Variants in CHST11 observed in about 807,000 individuals in gnomAD.
CHST11 encodes the protein C4S-1.
Under a neutral mutation model 30.4 loss-of-function variants are expected in CHST11, and 9 were observed. The ratio of observed to expected loss-of-function variants is 0.30; its 90% CI spans 0.18 to 0.52. The LOEUF (loss-of-function observed/expected upper bound fraction) is 0.52, where lower values mean the gene tolerates loss of function less well. CHST11 is among the 20% of genes least tolerant of loss of function. CHST11 has a pLI of 0.97. For synonymous variants in CHST11, 152 were observed against 187.8 expected, an observed-to-expected ratio of 0.81 and a Z score of 1.56; for missense variants, 348 against 460.6, an observed-to-expected ratio of 0.76 and a Z score of 2.24.
chr12:104,487,958 G>A (rs2037699607), intron 1 of CHST11, among the ~76,000 whole-genome samples: 1 of 151,194 alleles, frequency 6.6e-6, no homozygotes, highest in Admixed American at 6.6e-5. Context: ...TTCCAGGCTG[G>A]AGTGCAGTGA....
chr12:104,534,160 GAATA>G (rs1162108123), intron 1 of CHST11, among the ~76,000 whole-genome samples: 1 of 152,098 alleles, frequency 6.6e-6, no homozygotes, highest in Admixed American at 6.5e-5. Context: ...AAAGTTTTAT[GAATA>G]AATAAATGTA....
intron 1 of CHST11, among the ~76,000 whole-genome samples, chr12:104,562,388 G>T (rs934978150): frequency 1.1e-4 from 16 of 152,136 alleles, no homozygotes; most frequent in Non-Finnish European, 2.9e-5. Context: ...ACACAGAGAA[G>T]ATGAGGCCAT....
At chr12:104,666,633 A>C (rs748505612) in intron 2 of CHST11, among the ~76,000 whole-genome samples, 4 of 152,214 alleles carry the variant, frequency 2.6e-5, no homozygotes, top group African/African-American at 4.8e-5. Context: ...TCAGTATCCA[A>C]GGCTCCACAT....
intron 1 of CHST11, among the ~76,000 whole-genome samples, chr12:104,504,958 C>G (rs1371989822): frequency 1.3e-5 from 2 of 152,114 alleles, no homozygotes; most frequent in Non-Finnish European, 2.9e-5. Flanking sequence ...ATGCCAGAGT[C>G]CAGCCTTGCA....
At chr12:104,667,290 C>G (rs1288909657) in intron 2 of CHST11, among the ~76,000 whole-genome samples, 1 of 152,078 alleles carries the variant, frequency 6.6e-6, no homozygotes, top group Non-Finnish European at 1.5e-5. Flanking sequence ...TCCTTATTCC[C>G]CCACCACGCT....
rs541629589 is a variant in CHST11, at chr12:104,678,201, C to T, written c.204+76210C>T. On this transcript the variant is annotated intron_variant, in intron 2 of 2. Transcript: ENST00000303694. ...ATATCTCTATTGGCCTATCTTAGGG[C>T]CCAATGGAGAAAGAAAAATGTTCTA... Among the ~76,000 whole-genome samples the T allele has an allele frequency of 5.3e-5, 8 of 152,194 alleles. No individual in the cohort carries two copies. In the South Asian group the frequency reaches 6.2e-4, roughly 12 times the overall value.
intron 2 of CHST11, among the ~76,000 whole-genome samples, chr12:104,630,090 A>C (rs1043057729): frequency 4.2e-4 from 64 of 152,200 alleles, no homozygotes; most frequent in African/African-American, 1.4e-3. Context: ...ATTAATACGT[A>C]ACTCACTTAC....
intron 1 of CHST11, among the ~76,000 whole-genome samples, chr12:104,539,111 A>G (rs751024187): frequency 1.3e-5 from 2 of 152,204 alleles, no homozygotes; most frequent in Non-Finnish European, 2.9e-5. Flanking sequence ...AGTTATCTAT[A>G]TATCTGCTAA....
intron 2 of CHST11, among the ~76,000 whole-genome samples, chr12:104,730,178 C>T (rs1403041948): frequency 6.6e-6 from 1 of 152,262 alleles, no homozygotes; most frequent in Non-Finnish European, 1.5e-5. Context: ...TTCCTTCACT[C>T]GTTCTGGAGG....
chr12:104,757,542 C>G lies in CHST11; in HGVS notation c.798C>G (p.Cys266Trp). 4.3e-6 allele frequency: 7 copies of G among 1,614,150 alleles called. No individual in the cohort carries two copies. Among genetic ancestry groups the G allele is most frequent in the Non-Finnish European group, 5.1e-6 (6 of 1,180,018 alleles). Residue 266 changes from cysteine (C) to tryptophan (W), a missense_variant, in exon 3 of 3, where the codon TGC becomes TGG. Cys to Trp is a radical substitution (Grantham distance 215). This residue lies in a region of CHST11 where 210 missense variants were observed against 287.2 expected (regional missense o/e 0.73). Coordinates refer to ENST00000303694, the MANE Select transcript of CHST11 (RefSeq NM_018413.6). This position sits in a 1 kb window ranked among gnomAD's most constrained non-coding sequence, Gnocchi z 6.5. ...NEHWQTVYSL[C>W]HPCHIHYDLV... is the part of the protein sequence containing the mutation. ...ACTGGCAAACCGTCTACTCACTCTG[C>G]CATCCCTGCCACATCCACTATGACC...
intron 2 of CHST11, among the ~76,000 whole-genome samples, chr12:104,752,620 T>A (rs1266500444): frequency 1.3e-5 from 2 of 152,200 alleles, no homozygotes; most frequent in Non-Finnish European, 2.9e-5. Flanking sequence ...CTCCGCCTCC[T>A]GAGTTCTAGC....
intron 2 of CHST11, among the ~76,000 whole-genome samples, chr12:104,674,740 A>T (rs143607581): frequency 1.2e-3 from 185 of 152,050 alleles, no homozygotes; most frequent in African/African-American, 4.3e-3. Flanking sequence ...CTGCCTTGAG[A>T]CAAGTGTAGA....
At chr12:104,594,933 C>T (rs1201171241) in intron 1 of CHST11, among the ~76,000 whole-genome samples, 1 of 152,018 alleles carries the variant, frequency 6.6e-6, no homozygotes, top group East Asian at 1.9e-4. Context: ...GATGACAGAG[C>T]GAGACACTGT....
chr12:104,458,218 G>C lies in CHST11; in HGVS notation c.118+689G>C, dbSNP rs2037374442. On this transcript the variant is annotated intron_variant, in intron 1 of 2. Transcript: ENST00000303694. The surrounding 1 kb of genome is among the most constrained non-coding windows in gnomAD (Gnocchi z 5.7). The stretch of plus-strand genomic sequence containing the variant: ...AGTGACCTTGCGGCTGGTGCCCCGG[G>C]GCCTGCTCCAGCCCCCAGCCCTGAG... 6.6e-6 allele frequency among the ~76,000 whole-genome samples: 1 copy of C among 152,094 alleles called. No homozygotes were observed. The highest frequency in any genetic ancestry group is 1.5e-5 in the Non-Finnish European group (1 of 67,990).
chr12:104,625,047 CA>C (rs1784402998), intron 2 of CHST11, among the ~76,000 whole-genome samples: 1 of 152,190 alleles, frequency 6.6e-6, no homozygotes, highest in African/African-American at 2.4e-5. Context: ...GATAGAGCTT[CA>C]ACATACAAAT....
intron 2 of CHST11, among the ~76,000 whole-genome samples, chr12:104,619,679 T>A (rs2039142160): frequency 6.6e-6 from 1 of 152,150 alleles, no homozygotes; most frequent in African/African-American, 2.4e-5. Context: ...GGGGGCTGCT[T>A]ATCTGGGGGC....
At chr12:104,493,841 T>C (rs2037773862) in intron 1 of CHST11, among the ~76,000 whole-genome samples, 1 of 152,206 alleles carries the variant, frequency 6.6e-6, no homozygotes, top group Non-Finnish European at 1.5e-5. Flanking sequence ...TTTTGTTTTT[T>C]GAGACTGGGT....
Position 104,668,266 on chromosome 12 carries a change from G to A in CHST11, c.204+66275G>A, listed in dbSNP as rs142522926. 1.1e-4 allele frequency among the ~76,000 whole-genome samples: 16 copies of A among 152,264 alleles called. No homozygotes were observed. The East Asian group carries it at 2.9e-3, about 28-fold the overall frequency. ...TTAAAAAGTGCCTGCCACAAAGGAA[G>A]CCCCCAGGAAGCGGTGAGCACATGA... On this transcript the variant is annotated intron_variant, in intron 2 of 2. Coordinates refer to ENST00000303694, the MANE Select transcript of CHST11 (RefSeq NM_018413.6).
intron 1 of CHST11, among the ~76,000 whole-genome samples, chr12:104,473,090 A>G (rs2037526793): frequency 6.6e-6 from 1 of 152,172 alleles, no homozygotes; most frequent in Admixed American, 6.5e-5. Flanking sequence ...TTTTCAGATG[A>G]TGAAATTTAA....
Sources: gnomAD v4.1 joint callset for allele counts (sites outside exome capture counted in the v4.1 genomes callset) on GRCh38, gnomAD v4.1.1 for gene constraint, gnomAD v4.1.1 regional missense constraint, Gnocchi (gnomAD v3.1) non-coding constraint, MANE v1.5 for transcripts, NCBI Gene and HGNC (gene_info 2026-07-23, HGNC 2026-07-21) for gene names.